The following DMXL2 variants were observed in gnomAD, a reference collection of about 807,000 sequenced individuals.
DMXL2 encodes the protein Dmx like 2.
A neutral mutation model predicts 331.1 loss-of-function variants in DMXL2; 103 were observed. The observed-to-expected ratio is 0.31, with a 90% CI of 0.27 to 0.37. The LOEUF is 0.37. Among genes scored for constraint, DMXL2 ranks in the 10% least tolerant of loss-of-function variants. DMXL2 has a pLI of 1.00. For missense variants in DMXL2, 3,171 were observed against 3,642.9 expected (o/e 0.87, Z 3.33); for synonymous variants, 1,281 against 1,252.1 (o/e 1.02, Z -0.49).
At chr15:51,585,970 TG>T (rs2051791442) in intron 1 of DMXL2, among the ~76,000 whole-genome samples, 1 of 152,174 alleles carries the variant, frequency 6.6e-6, no homozygotes, top group African/African-American at 2.4e-5. Context: ...ACCATTGAGA[TG>T]TAAGTCCACA....
chr15:51,463,615 T>G (rs1257087719), intron 32 of DMXL2, 119 bp from the exon 33 acceptor site: 1 of 622,096 alleles, frequency 1.6e-6, no homozygotes, highest in African/African-American at 2.0e-5. Flanking sequence ...TTTTAAAACC[T>G]TCATAATCTA....
At position 51,502,809 on chromosome 15, in the gene DMXL2, C is replaced by T. The variant is rs2043769352; in HGVS notation, c.2989G>A (p.Ala997Thr). ...SVEVIRATPS[A>T]GHLSSSSIYP... is the part of the protein sequence containing the mutation. ...CCCAGTCTTAAAGTGACCTTACCTG[C>T]TGAAGGCGTTGCTCTTATTACTTCA... The change falls in exon 17 of 44, where the codon GCA (alanine) becomes ACA (threonine). Residue 997 changes from alanine (A) to threonine (T), a missense_variant. Physicochemically the swap from Ala to Thr is moderately conservative, Grantham distance 58 (BLOSUM62 0). This residue lies in a region of DMXL2 where 1,674 missense variants were observed against 1,780.2 expected (regional missense o/e 0.94). Coordinates refer to ENST00000560891, the MANE Select transcript of DMXL2 (RefSeq NM_001378457.1). 6.2e-7 allele frequency: 1 copy of T among 1,612,722 alleles called. No individual in the cohort carries two copies. The highest frequency in any genetic ancestry group is 1.3e-5 in the African/African-American group (1 of 74,902).
chr15:51,484,212 T>G (rs1164428669), intron 23 of DMXL2, among the ~76,000 whole-genome samples: 1 of 152,198 alleles, frequency 6.6e-6, no homozygotes, highest in African/African-American at 2.4e-5. Flanking sequence ...ATATGAGCCC[T>G]GTGGGCTGCT....
At position 51,622,488 on chromosome 15, in the gene DMXL2, C is replaced by A; in HGVS notation, c.58G>T (p.Val20Leu). ...AVNPGDNCYS[V>L]GSVGDVPFTA... is the part of the protein sequence containing the mutation. ...AAGGGGACATCCCCGACGCTGCCCA[C>A]GGAGTAGCAGTTGTCTCCAGGGTTG... Residue 20 changes from valine to leucine, a missense_variant, in exon 1 of 44, where the codon GTG becomes TTG. Val to Leu is a conservative substitution (Grantham distance 32, BLOSUM62 1). Coordinates refer to ENST00000560891, the MANE Select transcript of DMXL2 (RefSeq NM_001378457.1). 6.4e-7 allele frequency: 1 copy of A among 1,569,634 alleles called. No homozygotes were observed. Among genetic ancestry groups the A allele is most frequent in the Non-Finnish European group, 8.6e-7 (1 of 1,156,770 alleles).
At chr15:51,561,180 A>G (rs1174771497) in intron 6 of DMXL2, among the ~76,000 whole-genome samples, 1 of 152,244 alleles carries the variant, frequency 6.6e-6, no homozygotes, top group Non-Finnish European at 1.5e-5. Context: ...TCTGAATAAG[A>G]AAAGATTCAG....
chr15:51,519,283 A>T (rs1185804132), intron 13 of DMXL2, among the ~76,000 whole-genome samples: 3 of 151,708 alleles, frequency 2.0e-5, no homozygotes, highest in Non-Finnish European at 2.9e-5. Flanking sequence ...TGCCTGACAA[A>T]TTTTTTAATT....
Position 51,449,060 on chromosome 15 carries a change from C to G in DMXL2, c.9101G>C (p.Gly3034Ala). 2 of 1,614,174 alleles carry G rather than the reference C, an allele frequency of 1.2e-6. No homozygotes were observed. Among genetic ancestry groups the G allele is most frequent in the Non-Finnish European group, 1.7e-6 (2 of 1,180,038 alleles). ...IIQGNRLFSC[G>A]ADGTLKTRVL... The stretch of plus-strand genomic sequence containing the variant: ...CCTGGTTTTCAGCGTGCCATCTGCA[C>G]CACAGGAGAAGAGCCGATTGCCCTG... The change falls in exon 44 of 44, where the codon GGT becomes GCT. Residue 3034 changes from glycine (G) to alanine (A), a missense_variant. By Grantham distance (60) the Gly-to-Ala change is moderately conservative (BLOSUM62 0). Around this residue, in one of 7 missense-constraint regions of DMXL2, gnomAD observed 766 missense variants for 940.5 expected, o/e 0.81. Coordinates refer to ENST00000560891, the MANE Select transcript of DMXL2 (RefSeq NM_001378457.1).
At chr15:51,593,610 A>G (rs1023583275) in intron 1 of DMXL2, among the ~76,000 whole-genome samples, 7 of 152,232 alleles carry the variant, frequency 4.6e-5, no homozygotes, top group African/African-American at 1.7e-4. Context: ...AACAGAATAT[A>G]CATTCTTCTC....
intron 2 of DMXL2, 76 bp from the exon 3 acceptor site, chr15:51,568,634 TA>T: frequency 2.2e-6 from 2 of 914,430 alleles, no homozygotes; most frequent in Non-Finnish European, 3.3e-6. Context: ...TAATAATGTA[TA>T]AACTAATTAC....
chr15:51,502,812 A>C lies in DMXL2; in HGVS notation c.2986T>G (p.Ser996Ala). 6.2e-7 allele frequency: 1 copy of C among 1,613,258 alleles called. No homozygotes were observed. The highest frequency in any genetic ancestry group is 8.5e-7 in the Non-Finnish European group (1 of 1,179,194). ...AGTCTTAAAGTGACCTTACCTGCTG[A>C]AGGCGTTGCTCTTATTACTTCAACT... ...ESVEVIRATP[S>A]AGHLSSSSIY... Residue 996 changes from serine (S) to alanine (A), a missense_variant, in exon 17 of 44, where the codon TCA becomes GCA. Around this residue, in one of 7 missense-constraint regions of DMXL2, gnomAD observed 1,674 missense variants for 1,780.2 expected, o/e 0.94. Transcript: ENST00000560891.
At chr15:51,583,007 G>T (rs1188049972) in intron 1 of DMXL2, among the ~76,000 whole-genome samples, 1 of 150,926 alleles carries the variant, frequency 6.6e-6, no homozygotes, top group Non-Finnish European at 1.5e-5. Context: ...ACATAAATGG[G>T]ATCATGCTAT....
intron 40 of DMXL2, among the ~76,000 whole-genome samples, chr15:51,454,784 C>T (rs946176049): frequency 6.6e-6 from 1 of 151,912 alleles, no homozygotes; most frequent in Non-Finnish European, 1.5e-5. Flanking sequence ...CGTGAGCCAC[C>T]GTGCCCGGCA....
At chr15:51,570,501 C>G (rs944193231) in intron 2 of DMXL2, among the ~76,000 whole-genome samples, 14 of 152,004 alleles carry the variant, frequency 9.2e-5, no homozygotes, top group Non-Finnish European at 2.1e-4. Context: ...TCAGATTAAC[C>G]AAGGTTGAAA....
At chr15:51,525,312 C>T (rs1053694838) in intron 13 of DMXL2, among the ~76,000 whole-genome samples, 3 of 152,064 alleles carry the variant, frequency 2.0e-5, no homozygotes, top group African/African-American at 7.2e-5. Flanking sequence ...AGACTCGGCA[C>T]ATTCCCAGCT....
chr15:51,457,737 ATAT>A (rs1444781948), intron 36 of DMXL2: 3 of 357,706 alleles, frequency 8.4e-6, no homozygotes, highest in Admixed American at 4.4e-5. Context: ...CTATGGAAAA[ATAT>A]TATGTTCTCT....
At position 51,577,045 on chromosome 15, in the gene DMXL2, A is replaced by C. The variant is rs186247288; in HGVS notation, c.88-864T>G. Among the ~76,000 whole-genome samples, 96 of 152,292 alleles carry C rather than the reference A, an allele frequency of 6.3e-4. No individual in the cohort carries two copies. In the Middle Eastern group the frequency reaches 0.014, roughly 22 times the overall value. ...TGCAACTTTGTGAATTTTATGACCT[A>C]AGGGTCAGAGAGTTGGGACATATTT... On this transcript the variant is annotated intron_variant, in intron 1 of 43. Transcript: ENST00000560891.
rs376458429 is a variant in DMXL2, at chr15:51,564,060, G to A, written c.500+65C>T. The A allele has an allele frequency of 4.7e-6, 7 of 1,486,812 alleles. No homozygotes were observed. In the South Asian group the frequency reaches 8.2e-5, roughly 17 times the overall value. The allele number at this position is 1,486,812 out of a possible 1,614,324, so 92.1% of individuals were successfully genotyped here. On this transcript the variant is annotated intron_variant, in intron 5 of 43. Coordinates refer to ENST00000560891, the MANE Select transcript of DMXL2 (RefSeq NM_001378457.1). ...TCAAAAAATAAAGATCTTTGTGAAAGGAAACATATTTTAGGAAGCACTTGC... is the reference window on the plus strand; with the variant it reads ...TCAAAAAATAAAGATCTTTGTGAAAAGAAACATATTTTAGGAAGCACTTGC...
intron 1 of DMXL2, among the ~76,000 whole-genome samples, chr15:51,588,610 A>C (rs1199260211): frequency 6.6e-6 from 1 of 152,236 alleles, no homozygotes; most frequent in Admixed American, 6.5e-5. Flanking sequence ...TAACTATTGG[A>C]AATTTCTGGA....
At chr15:51,468,224 T>C (rs2040775183) in intron 29 of DMXL2, among the ~76,000 whole-genome samples, 1 of 152,176 alleles carries the variant, frequency 6.6e-6, no homozygotes, top group Non-Finnish European at 1.5e-5. Flanking sequence ...CTAAATATAA[T>C]TTCTCACAAA....
Sources: allele counts gnomAD v4.1 joint callset (sites outside exome capture counted in the v4.1 genomes callset), GRCh38; gene constraint gnomAD v4.1.1; regional missense constraint gnomAD v4.1.1; transcripts MANE v1.5; gene names NCBI Gene and HGNC (gene_info 2026-07-23, HGNC 2026-07-21).